DPP10: variants seen among roughly 807,000 people sequenced by gnomAD.
DPP10 encodes dipeptidyl peptidase like 10.
DPP10 carries 33 observed loss-of-function variants against 120.9 expected under a neutral mutation model. The observed-to-expected ratio is 0.27, with a 90% CI of 0.21 to 0.37. The LOEUF is 0.37. Among genes scored for constraint, DPP10 ranks in the 10% least tolerant of loss-of-function variants. The probability of loss-of-function intolerance (pLI) is 1.00; values close to 1 mark genes in which losing one functional copy is unlikely to be tolerated. For missense variants in DPP10, 816 were observed against 942.8 expected, an observed-to-expected ratio of 0.87 and a Z score of 1.76; for synonymous variants, 337 against 326.1, an observed-to-expected ratio of 1.03 and a Z score of -0.36.
At chr2:114,519,952 C>T (rs1302152347) in intron 1 of DPP10, among the ~76,000 whole-genome samples, 1 of 151,120 alleles carries the variant, frequency 6.6e-6, no homozygotes, top group African/African-American at 2.4e-5. Flanking sequence ...TAAAGATACT[C>T]ACACCTTTAA....
chr2:115,576,967 C>A (rs1053549629), intron 5 of DPP10, among the ~76,000 whole-genome samples: 2 of 152,162 alleles, frequency 1.3e-5, no homozygotes, highest in Admixed American at 6.5e-5. Flanking sequence ...CAATCTGGGA[C>A]AAAATGAATG....
chr2:115,583,197 C>T (rs1282066243), intron 5 of DPP10, among the ~76,000 whole-genome samples: 1 of 152,192 alleles, frequency 6.6e-6, no homozygotes, highest in Non-Finnish European at 1.5e-5. Flanking sequence ...AAACAAGTTC[C>T]TTGACGGCTC....
chr2:114,513,017 G>A (rs1310428607), intron 1 of DPP10, among the ~76,000 whole-genome samples: 2 of 152,186 alleles, frequency 1.3e-5, no homozygotes, highest in Non-Finnish European at 1.5e-5. Flanking sequence ...AGAAGAAAAG[G>A]AGGAAGGGGG....
chr2:115,389,111 T>G (rs1015017160), intron 3 of DPP10, among the ~76,000 whole-genome samples: 1 of 152,130 alleles, frequency 6.6e-6, no homozygotes, highest in Non-Finnish European at 1.5e-5. Flanking sequence ...TCAAAACCAC[T>G]CCCATTATCT....
chr2:115,686,852 A>G (rs2091016644), intron 5 of DPP10, among the ~76,000 whole-genome samples: 1 of 151,984 alleles, frequency 6.6e-6, no homozygotes, highest in African/African-American at 2.4e-5. Context: ...TGAATAGGTA[A>G]TTTTTGGCTA....
chr2:114,479,898 A>C (rs1461236046), intron 1 of DPP10, among the ~76,000 whole-genome samples: 4 of 152,192 alleles, frequency 2.6e-5, no homozygotes, highest in African/African-American at 4.8e-5. Context: ...TATGCACAGC[A>C]AAAGAAACCA....
intron 21 of DPP10, among the ~76,000 whole-genome samples, chr2:115,820,106 T>C (rs1451493806): frequency 6.6e-6 from 1 of 152,250 alleles, no homozygotes; most frequent in Non-Finnish European, 1.5e-5. Flanking sequence ...AGTGAAAATA[T>C]CTATTTGTCA....
At chr2:115,118,747 T>TTG (rs59183186) in intron 1 of DPP10, among the ~76,000 whole-genome samples, 3,044 of 140,438 alleles carry the variant, frequency 0.022, 31 homozygotes, top group African/African-American at 0.036. Flanking sequence ...ACACAGCTAA[T>TTG]TGTGTGTGTG....
At position 114,771,894 on chromosome 2, in the gene DPP10, C is replaced by G. The variant is rs1400795316; in HGVS notation, c.60+329056C>G. On this transcript the variant is annotated intron_variant, in intron 1 of 25. Coordinates refer to ENST00000410059, the MANE Select transcript of DPP10 (RefSeq NM_020868.6). Reference sequence around the variant, plus strand: ...CTTTAGATTTTTTTTTCCAAGGAAGCAGATTACGTCTTGAAACACCCTTTA... The same window carrying G: ...CTTTAGATTTTTTTTTCCAAGGAAGGAGATTACGTCTTGAAACACCCTTTA... Among the ~76,000 whole-genome samples the G allele has an allele frequency of 2.6e-5, 4 of 152,022 alleles. No homozygotes were observed. In the East Asian group the frequency reaches 7.7e-4, roughly 29 times the overall value.
chr2:115,313,424 A>G (rs1292498194), intron 2 of DPP10, among the ~76,000 whole-genome samples: 1 of 152,210 alleles, frequency 6.6e-6, no homozygotes, highest in Non-Finnish European at 1.5e-5. Context: ...TACCAATGAT[A>G]ATAATGCCTT....
chr2:115,479,033 T>C (rs2075269140), intron 3 of DPP10, among the ~76,000 whole-genome samples: 1 of 152,124 alleles, frequency 6.6e-6, no homozygotes, highest in African/African-American at 2.4e-5. Flanking sequence ...TACTGTATGA[T>C]CTATAAATTA....
At chr2:114,860,440 T>C (rs1185668864) in intron 1 of DPP10, among the ~76,000 whole-genome samples, 1 of 152,192 alleles carries the variant, frequency 6.6e-6, no homozygotes, top group African/African-American at 2.4e-5. Flanking sequence ...GGCCACAGGG[T>C]GATTGGTGCT....
At chr2:114,901,356 C>T (rs974712442) in intron 1 of DPP10, among the ~76,000 whole-genome samples, 3 of 152,126 alleles carry the variant, frequency 2.0e-5, no homozygotes, top group Non-Finnish European at 2.9e-5. Context: ...TGCCACCACA[C>T]CTGGCTAATT....
At chr2:114,598,922 T>C (rs920916639) in intron 1 of DPP10, among the ~76,000 whole-genome samples, 2 of 151,836 alleles carry the variant, frequency 1.3e-5, no homozygotes, top group Non-Finnish European at 2.9e-5. Flanking sequence ...TGGCCTGACT[T>C]CTCGAAATCT....
intron 1 of DPP10, among the ~76,000 whole-genome samples, chr2:114,958,457 A>C (rs1344823405): frequency 6.6e-6 from 1 of 152,156 alleles, no homozygotes; most frequent in Non-Finnish European, 1.5e-5. Flanking sequence ...CTTTTTAGTG[A>C]TCTACTGCAC....
intron 1 of DPP10, among the ~76,000 whole-genome samples, chr2:115,242,830 T>C (rs750066607): frequency 8.0e-4 from 122 of 152,312 alleles, no homozygotes; most frequent in Non-Finnish European, 1.4e-3. Context: ...GGGCCATTTC[T>C]ATATTTTCTT....
intron 1 of DPP10, among the ~76,000 whole-genome samples, chr2:115,040,303 T>A (rs919399695): frequency 1.1e-4 from 17 of 151,822 alleles, no homozygotes; most frequent in African/African-American, 4.1e-4. Flanking sequence ...GTGGGTAAAG[T>A]CCTTCTTCAT....
At chr2:115,814,104 A>G (rs1283716600) in intron 19 of DPP10, among the ~76,000 whole-genome samples, 2 of 152,182 alleles carry the variant, frequency 1.3e-5, no homozygotes, top group Admixed American at 6.5e-5. Flanking sequence ...TGGAAAGAAC[A>G]TTCATGCTTT....
At chr2:115,596,468 TA>T (rs1209372828) in intron 5 of DPP10, among the ~76,000 whole-genome samples, 5 of 152,152 alleles carry the variant, frequency 3.3e-5, no homozygotes, top group African/African-American at 1.2e-4. Flanking sequence ...TATGTGCTTA[TA>T]AATGTGTATA....
Sources: gnomAD v4.1 joint callset for allele counts (sites outside exome capture counted in the v4.1 genomes callset) on GRCh38, gnomAD v4.1.1 for gene constraint, MANE v1.5 for transcripts, NCBI Gene and HGNC (gene_info 2026-07-23, HGNC 2026-07-21) for gene names.